Variants in MGAT4C observed in about 807,000 individuals in gnomAD.
MGAT4C encodes MGAT4 family member C.
A neutral mutation model predicts 40.1 loss-of-function variants in MGAT4C; 19 were observed. The ratio of observed to expected loss-of-function variants is 0.47; its 90% confidence interval spans 0.33 to 0.70. The LOEUF (loss-of-function observed/expected upper bound fraction) is 0.70. Among genes scored for constraint, MGAT4C ranks in the 30% least tolerant of loss-of-function variants. The pLI is 0.02. For missense variants in MGAT4C, 491 were observed against 563.2 expected, an observed-to-expected ratio of 0.87 and a Z score of 1.30; for synonymous variants, 181 against 187.1, an observed-to-expected ratio of 0.97 and a Z score of 0.27.
intron 3 of MGAT4C, among the ~76,000 whole-genome samples, chr12:86,393,824 A>G (rs1220756703): frequency 6.6e-6 from 1 of 152,156 alleles, no homozygotes; most frequent in Non-Finnish European, 1.5e-5. Flanking sequence ...GTCCTGCACT[A>G]TAGAAATCGG....
At chr12:86,079,792 A>G (rs1018856915) in intron 1 of MGAT4C, among the ~76,000 whole-genome samples, 1 of 151,758 alleles carries the variant, frequency 6.6e-6, no homozygotes, top group Non-Finnish European at 1.5e-5. Context: ...TACAAATACA[A>G]ACATATTTCT....
chr12:86,135,979 T>G (rs1463408451), intron 1 of MGAT4C, among the ~76,000 whole-genome samples: 1 of 152,194 alleles, frequency 6.6e-6, no homozygotes, highest in African/African-American at 2.4e-5. Flanking sequence ...ATTTTGTTCA[T>G]TTGGACTAAA....
At chr12:86,270,799 G>A (rs1198869345) in intron 4 of MGAT4C, among the ~76,000 whole-genome samples, 1 of 152,100 alleles carries the variant, frequency 6.6e-6, no homozygotes, top group Non-Finnish European at 1.5e-5. Context: ...TATAGTAAAC[G>A]ACATGGTATT....
At chr12:86,064,631 C>T (rs941490082) in intron 1 of MGAT4C, among the ~76,000 whole-genome samples, 1 of 151,966 alleles carries the variant, frequency 6.6e-6, no homozygotes, top group African/African-American at 2.4e-5. Flanking sequence ...AAAATTGACA[C>T]CCTAACATCA....
At chr12:86,020,829 T>G (rs1251671273) in intron 2 of MGAT4C, among the ~76,000 whole-genome samples, 1 of 152,138 alleles carries the variant, frequency 6.6e-6, no homozygotes, top group Admixed American at 6.5e-5. Context: ...ATTTTTGCAA[T>G]CTGCTCATCT....
intron 2 of MGAT4C, among the ~76,000 whole-genome samples, chr12:86,660,104 G>A (rs1963945187): frequency 1.3e-5 from 2 of 152,128 alleles, no homozygotes; most frequent in African/African-American, 2.4e-5. Flanking sequence ...GCATTATGAA[G>A]TTGGAGCCTA....
At position 86,408,473 on chromosome 12, in the gene MGAT4C, CTCTCTCTATATATATATATATA is replaced by C. The variant is rs931110176; in HGVS notation, c.-120+26662_-120+26683del. Among the ~76,000 whole-genome samples the C allele has an allele frequency of 1.6e-4, 17 of 108,142 alleles. No homozygotes were observed. In the East Asian group the frequency reaches 4.2e-3, roughly 26 times the overall value. The allele number at this position is 108,142 out of a possible 152,430, so 70.9% of individuals were successfully genotyped here. ...ACTCTCTCTCTCTCTCTCTCTCTCT[CTCTCTCTATATATATATATATA>C]TATATATATATATATATATTCTTGC... On this transcript the variant is annotated intron_variant, in intron 3 of 7. Transcript: ENST00000548651.
intron 3 of MGAT4C, among the ~76,000 whole-genome samples, chr12:86,356,775 G>A (rs1955322812): frequency 1.2e-5 from 1 of 82,982 alleles, no homozygotes; most frequent in East Asian, 3.6e-4. Context: ...GGCTGGGGGA[G>A]AGGGGTTGGC....
chr12:86,695,532 G>A (rs932619387), intron 2 of MGAT4C, among the ~76,000 whole-genome samples: 12 of 152,142 alleles, frequency 7.9e-5, no homozygotes, highest in African/African-American at 1.9e-4. Context: ...GTCCATCAAC[G>A]TATGAATGAA....
chr12:86,451,102 T>C (rs1957419234), intron 2 of MGAT4C, among the ~76,000 whole-genome samples: 1 of 152,108 alleles, frequency 6.6e-6, no homozygotes, highest in South Asian at 2.1e-4. Context: ...AGGTGGGGCC[T>C]AGTAGGAGGT....
intron 3 of MGAT4C, among the ~76,000 whole-genome samples, chr12:86,412,798 G>C (rs1592812619): frequency 6.6e-6 from 1 of 152,142 alleles, no homozygotes; most frequent in African/African-American, 2.4e-5. Context: ...GTTTGTATTT[G>C]TGTCCCTACC....
At chr12:86,043,766 T>C (rs1025727120) in intron 2 of MGAT4C, among the ~76,000 whole-genome samples, 1 of 152,234 alleles carries the variant, frequency 6.6e-6, no homozygotes, top group African/African-American at 2.4e-5. Context: ...AATGAGTCAA[T>C]AAATTTGGTC....
At chr12:86,539,615 G>C (rs7955599) in intron 2 of MGAT4C, among the ~76,000 whole-genome samples, 9 of 151,914 alleles carry the variant, frequency 5.9e-5, no homozygotes, top group African/African-American at 2.2e-4. Context: ...TTCCACAATG[G>C]TTGAACTAGT....
At chr12:86,832,222 A>C (rs1593248647) in intron 1 of MGAT4C, among the ~76,000 whole-genome samples, 1 of 151,756 alleles carries the variant, frequency 6.6e-6, no homozygotes, top group African/African-American at 2.4e-5. Flanking sequence ...TCCCGCCACA[A>C]AACCATTCAA....
intron 2 of MGAT4C, among the ~76,000 whole-genome samples, chr12:86,438,873 TAA>T (rs1957181262): frequency 6.6e-6 from 1 of 151,416 alleles, no homozygotes; most frequent in African/African-American, 2.4e-5. Context: ...GTAAAAAAAA[TAA>T]AAAGACAAAG....
intron 2 of MGAT4C, among the ~76,000 whole-genome samples, chr12:86,655,322 A>T (rs1161139050): frequency 1.3e-5 from 2 of 151,756 alleles, no homozygotes; most frequent in Admixed American, 1.3e-4. Flanking sequence ...TTCCCCTTCA[A>T]CTCCATTCAA....
At chr12:86,270,363 G>C (rs750489461) in intron 4 of MGAT4C, among the ~76,000 whole-genome samples, 2 of 152,066 alleles carry the variant, frequency 1.3e-5, no homozygotes, top group Non-Finnish European at 2.9e-5. Context: ...TTACAGGTGT[G>C]AGCCACTGAG....
intron 2 of MGAT4C, among the ~76,000 whole-genome samples, chr12:86,652,548 G>C (rs1963723798): frequency 6.6e-6 from 1 of 151,818 alleles, no homozygotes; most frequent in South Asian, 2.1e-4. Flanking sequence ...ATAATTTTGT[G>C]TTTCTTTGAG....
At chr12:86,307,462 T>C (rs1953962869) in intron 4 of MGAT4C, among the ~76,000 whole-genome samples, 3 of 150,336 alleles carry the variant, frequency 2.0e-5, no homozygotes, top group African/African-American at 7.5e-5. Context: ...ATAATAAGAA[T>C]TATTACTATC....
Sources: gnomAD v4.1 joint callset for allele counts (sites outside exome capture counted in the v4.1 genomes callset) on GRCh38, gnomAD v4.1.1 for gene constraint, MANE v1.5 for transcripts, NCBI Gene and HGNC (gene_info 2026-07-23, HGNC 2026-07-21) for gene names.